Variants in MALRD1 observed in about 807,000 individuals in gnomAD.
The protein encoded by MALRD1 is MAM and LDL receptor class A domain containing 1.
Under a neutral mutation model 242.1 loss-of-function variants are expected in MALRD1, and 247 were observed. The observed-to-expected ratio is 1.02, with a 90% CI of 0.92 to 1.13. The LOEUF (loss-of-function observed/expected upper bound fraction) is 1.13. Ranked by LOEUF, MALRD1 falls within the 50% of genes most tolerant of loss-of-function variation. The pLI, the probability that MALRD1 is intolerant of heterozygous loss-of-function variation, is 0.00. For synonymous variants in MALRD1, 995 were observed against 866.6 expected, an observed-to-expected ratio of 1.15 and a Z score of -2.60; for missense variants, 2,989 against 2,533.1, an observed-to-expected ratio of 1.18 and a Z score of -3.86.
intron 36 of MALRD1, among the ~76,000 whole-genome samples, chr10:19,660,403 G>A (rs1035906855): frequency 6.6e-5 from 10 of 152,094 alleles, no homozygotes; most frequent in African/African-American, 1.4e-4. Flanking sequence ...CAAGGTAGAT[G>A]GTACTACTGC....
rs1036351733 is a variant in MALRD1 at position 19,396,143 on chromosome 10, T to C, written c.4845+6534T>C. Among the ~76,000 whole-genome samples the C allele has an allele frequency of 1.2e-3, 4 of 3,390 alleles. No individual in the cohort carries two copies. In the African/African-American group the frequency reaches 0.015, roughly 13 times the overall value. 2.2% of individuals were successfully genotyped at this position (3,390 alleles called of 152,430 possible). ...TTCCTTCGTTTCTTTTTTTTTTTCT[T>C]TTTTTTTTTTTTTTGATGGAGTCTC... On this transcript the variant is annotated intron_variant, in intron 28 of 39. Transcript: ENST00000454679.
chr10:19,641,207 A>G (rs1840371413), intron 36 of MALRD1, among the ~76,000 whole-genome samples: 1 of 152,192 alleles, frequency 6.6e-6, no homozygotes, highest in African/African-American at 2.4e-5. Flanking sequence ...ATACATAGTG[A>G]CATTCTAGAG....
chr10:19,509,030 A>G (rs1479692695), intron 31 of MALRD1, among the ~76,000 whole-genome samples: 2 of 152,222 alleles, frequency 1.3e-5, no homozygotes, highest in Admixed American at 6.5e-5. Flanking sequence ...GGAGAAAAAG[A>G]GAACAATGAA....
chr10:19,152,112 G>A (rs995070111), intron 11 of MALRD1, among the ~76,000 whole-genome samples: 5 of 152,140 alleles, frequency 3.3e-5, no homozygotes. Context: ...TGGTCACATA[G>A]CCACTCTGGG....
At chr10:19,406,743 T>C (rs1847129670) in intron 28 of MALRD1, among the ~76,000 whole-genome samples, 1 of 152,178 alleles carries the variant, frequency 6.6e-6, no homozygotes, top group South Asian at 2.1e-4. Flanking sequence ...CATTCTGCCG[T>C]TCTCACACAT....
intron 21 of MALRD1, among the ~76,000 whole-genome samples, chr10:19,312,331 T>A (rs531964494): frequency 1.3e-5 from 2 of 150,138 alleles, no homozygotes; most frequent in East Asian, 3.9e-4. Context: ...GCTATTTTTA[T>A]GCTCTATTAA....
chr10:19,051,949 A>ACG (rs1014938195), intron 1 of MALRD1: 1 of 196,588 alleles, frequency 5.1e-6, no homozygotes, highest in Admixed American at 5.5e-5. Context: ...AAAAAAAAAA[A>ACG]AAAGGAAAGC....
intron 18 of MALRD1, among the ~76,000 whole-genome samples, chr10:19,251,755 C>G (rs572687195): frequency 1.3e-5 from 2 of 152,100 alleles, no homozygotes; most frequent in East Asian, 3.9e-4. Flanking sequence ...TCTATGTCCC[C>G]CACTTAAATC....
chr10:19,436,727 C>G (rs1234306325), intron 28 of MALRD1, among the ~76,000 whole-genome samples: 1 of 152,154 alleles, frequency 6.6e-6, no homozygotes, highest in African/African-American at 2.4e-5. Flanking sequence ...ATTGATTGGT[C>G]AGATTCTGCA....
chr10:19,510,902 A>G (rs1446240083), intron 31 of MALRD1, among the ~76,000 whole-genome samples: 1 of 152,218 alleles, frequency 6.6e-6, no homozygotes, highest in Non-Finnish European at 1.5e-5. Flanking sequence ...TTTCTATACC[A>G]GATGTATTTA....
chr10:19,342,455 A>G (rs552175189), intron 24 of MALRD1, among the ~76,000 whole-genome samples: 16 of 152,270 alleles, frequency 1.1e-4, no homozygotes, highest in Non-Finnish European at 1.9e-4. Flanking sequence ...TGACCTGAAT[A>G]ATTGTGGAGC....
At chr10:19,619,151 A>G (rs1442754303) in intron 36 of MALRD1, among the ~76,000 whole-genome samples, 2 of 151,968 alleles carry the variant, frequency 1.3e-5, no homozygotes, top group Non-Finnish European at 2.9e-5. Flanking sequence ...ATGTTCTTCT[A>G]TTTCTCCAAG....
chr10:19,210,295 T>G (rs187468625), intron 18 of MALRD1, among the ~76,000 whole-genome samples: 2 of 152,320 alleles, frequency 1.3e-5, no homozygotes, highest in Non-Finnish European at 2.9e-5. Context: ...TCTCAGCAAT[T>G]TCCTGATTTT....
intron 32 of MALRD1, among the ~76,000 whole-genome samples, chr10:19,559,131 C>T (rs559533690): frequency 4.6e-5 from 7 of 151,724 alleles, no homozygotes; most frequent in Admixed American, 2.6e-4. Context: ...TGCAGTGAGC[C>T]GAGATAGTAC....
At chr10:19,528,781 G>A (rs1834209130) in intron 31 of MALRD1, among the ~76,000 whole-genome samples, 1 of 152,104 alleles carries the variant, frequency 6.6e-6, no homozygotes, top group Admixed American at 6.6e-5. Context: ...CATCGTAGAA[G>A]GAAAGGTGAA....
rs1835088269 is a variant in MALRD1, at chr10:19,543,789, T to A, written c.5478+12438T>A. ...TCAACTTACTCCCTATCCCTGTTTT[T>A]GCCTTTACAAATCAACTTGTAAATG... is the stretch of plus-strand genomic sequence containing the variant. On this transcript the variant is annotated intron_variant, in intron 32 of 39. Coordinates refer to ENST00000454679, the MANE Select transcript of MALRD1 (RefSeq NM_001142308.3). Among the ~76,000 whole-genome samples the A allele has an allele frequency of 2.6e-5, 4 of 152,316 alleles. No homozygotes were observed. The South Asian group carries it at 8.3e-4, about 32-fold the overall frequency.
At chr10:19,681,076 A>AT (rs1242772282) in intron 36 of MALRD1, among the ~76,000 whole-genome samples, 2 of 151,464 alleles carry the variant, frequency 1.3e-5, no homozygotes, top group Non-Finnish European at 2.9e-5. Flanking sequence ...TGCCCTTAAC[A>AT]TTTTTTTCCT....
chr10:19,301,237 A>C (rs907377287), intron 21 of MALRD1, among the ~76,000 whole-genome samples: 33 of 152,064 alleles, frequency 2.2e-4, no homozygotes, highest in South Asian at 2.1e-4. Flanking sequence ...TAGGGAGAAA[A>C]GTAAATGCTT....
chr10:19,368,885 G>GTGTT (rs1263271583), intron 26 of MALRD1, among the ~76,000 whole-genome samples: 7 of 100,856 alleles, frequency 6.9e-5, no homozygotes, highest in African/African-American at 2.9e-4. Flanking sequence ...GTGTGTGTGT[G>GTGTT]TGTGTTTGTG....
Sources: allele counts gnomAD v4.1 joint callset (sites outside exome capture counted in the v4.1 genomes callset), GRCh38; gene constraint gnomAD v4.1.1; transcripts MANE v1.5; gene names NCBI Gene and HGNC (gene_info 2026-07-23, HGNC 2026-07-21).